Variants in THSD7B observed in about 807,000 individuals in gnomAD.
THSD7B encodes thrombospondin type 1 domain containing 7B.
A neutral mutation model predicts 213.6 loss-of-function variants in THSD7B; 138 were observed. The ratio of observed to expected loss-of-function variants is 0.65; its 90% CI spans 0.56 to 0.74. The LOEUF is 0.74. THSD7B is among the 30% of genes least tolerant of loss of function. The probability of loss-of-function intolerance (pLI) is 0.00; values close to 1 mark genes in which losing one functional copy is unlikely to be tolerated. For missense variants in THSD7B, 1,931 were observed against 1,991.5 expected, an observed-to-expected ratio of 0.97 and a Z score of 0.58; for synonymous variants, 742 against 687.0, an observed-to-expected ratio of 1.08 and a Z score of -1.25.
intron 16 of THSD7B, among the ~76,000 whole-genome samples, chr2:137,568,196 A>C (rs1681280455): frequency 6.6e-6 from 1 of 152,092 alleles, no homozygotes; most frequent in African/African-American, 2.4e-5. Context: ...AAGAGGTAAT[A>C]ATTGGGGAGG....
chr2:137,248,149 A>G (rs894741397), intron 10 of THSD7B, among the ~76,000 whole-genome samples: 1 of 152,160 alleles, frequency 6.6e-6, no homozygotes, highest in Non-Finnish European at 1.5e-5. Flanking sequence ...AGGATGAGAA[A>G]TACTCAGTAC....
At chr2:137,012,312 T>C (rs995412872) in intron 2 of THSD7B, among the ~76,000 whole-genome samples, 2 of 152,096 alleles carry the variant, frequency 1.3e-5, no homozygotes, top group Non-Finnish European at 2.9e-5. Flanking sequence ...AAAAATATGG[T>C]CTTCTATTTC....
At chr2:137,416,777 A>G (rs1686808250) in intron 14 of THSD7B, among the ~76,000 whole-genome samples, 1 of 152,262 alleles carries the variant, frequency 6.6e-6, no homozygotes, top group African/African-American at 2.4e-5. Context: ...TGTGTAACAC[A>G]AAGAGCACAG....
chr2:137,130,015 T>C (rs1688700410), intron 5 of THSD7B, among the ~76,000 whole-genome samples: 1 of 152,180 alleles, frequency 6.6e-6, no homozygotes, highest in Non-Finnish European at 1.5e-5. Flanking sequence ...ACAGTTTTTA[T>C]GTTTTTTCAG....
At chr2:137,427,629 C>T (rs556553987) in intron 14 of THSD7B, among the ~76,000 whole-genome samples, 1 of 151,928 alleles carries the variant, frequency 6.6e-6, no homozygotes, top group African/African-American at 2.4e-5. Context: ...TATGTATAAT[C>T]TAAAAAAGTC....
rs576147964 is a variant in THSD7B at position 137,080,660 on chromosome 2, G to A, written c.951-14213G>A. ...GTCAGTTTTAAATTATTTCCACCTG[G>A]TACCTATAATTTTATTCCACTTTTT... On this transcript the variant is annotated intron_variant, in intron 3 of 27. Coordinates refer to ENST00000409968, the MANE Select transcript of THSD7B (RefSeq NM_001316349.2). Among the ~76,000 whole-genome samples, 4 of 151,752 alleles carry A rather than the reference G, an allele frequency of 2.6e-5. No individual in the cohort carries two copies. The East Asian group carries it at 7.8e-4, about 29-fold the overall frequency.
chr2:137,428,537 C>T (rs1160126047), intron 14 of THSD7B, among the ~76,000 whole-genome samples: 2 of 152,072 alleles, frequency 1.3e-5, no homozygotes, highest in Admixed American at 1.3e-4. Context: ...GAAAACAACC[C>T]AATTTTTTTT....
At chr2:136,910,119 A>G (rs563934968) in intron 2 of THSD7B, among the ~76,000 whole-genome samples, 33 of 152,124 alleles carry the variant, frequency 2.2e-4, no homozygotes, top group Non-Finnish European at 4.4e-4. Flanking sequence ...GAAGAGTCCA[A>G]TAGTGTGTCC....
At chr2:137,579,528 ACG>A (rs1573721476) in intron 17 of THSD7B, among the ~76,000 whole-genome samples, 5 of 151,060 alleles carry the variant, frequency 3.3e-5, no homozygotes, top group East Asian at 3.9e-4. Context: ...GCACACACAC[ACG>A]CGCGTGCGCA....
intron 6 of THSD7B, among the ~76,000 whole-genome samples, chr2:137,161,147 T>C (rs1488127747): frequency 6.6e-6 from 1 of 152,190 alleles, no homozygotes; most frequent in African/African-American, 2.4e-5. Flanking sequence ...TATATTCCTG[T>C]TTATTTTTGT....
chr2:137,214,846 G>A (rs1558961475), intron 7 of THSD7B, among the ~76,000 whole-genome samples: 2 of 152,246 alleles, frequency 1.3e-5, no homozygotes, highest in East Asian at 1.9e-4. Flanking sequence ...ATGGGCATTT[G>A]GGTTGGTTCC....
At chr2:136,998,937 C>CACACACAT (rs1685950402) in intron 2 of THSD7B, among the ~76,000 whole-genome samples, 2 of 151,618 alleles carry the variant, frequency 1.3e-5, no homozygotes, top group Admixed American at 1.3e-4. Context: ...CACACACACA[C>CACACACAT]ACACACACAC....
In THSD7B at chr2:137,656,581, C is replaced by G. The variant is rs148978143; in HGVS notation, c.4106-215C>G. ...CAATTTGAAGCAAAGTAATAACAAT[C>G]TAGTTTTTGGCACTTTCTTGTTAAA... On this transcript the variant is annotated intron_variant, in intron 22 of 27. Transcript: ENST00000409968. 4.4e-3 allele frequency among the ~76,000 whole-genome samples: 665 copies of G among 152,278 alleles called. 2 individuals are homozygous for G. Among genetic ancestry groups the G allele is most frequent in the Middle Eastern group, 0.028 (8 of 288 alleles).
intron 2 of THSD7B, among the ~76,000 whole-genome samples, chr2:137,010,682 A>G (rs1192446895): frequency 1.3e-5 from 2 of 152,190 alleles, no homozygotes; most frequent in African/African-American, 2.4e-5. Flanking sequence ...TGTGATCATC[A>G]TCTATTTGTT....
At chr2:137,166,288 C>T (rs1231489451) in intron 6 of THSD7B, among the ~76,000 whole-genome samples, 1 of 152,052 alleles carries the variant, frequency 6.6e-6, no homozygotes, top group Non-Finnish European at 1.5e-5. Flanking sequence ...TTGATACACT[C>T]CCAGAGTGTT....
rs1679996022 is a variant in THSD7B at position 137,160,380 on chromosome 2, G to A, written c.1525+12G>A. The stretch of plus-strand genomic sequence containing the variant: ...TCAGGGGAAAAAAGGTGAGTGCCTT[G>A]TTTGCATGCGCTTCATTTGCTGTCA... On this transcript the variant is annotated intron_variant, in intron 6 of 27. Coordinates refer to ENST00000409968, the MANE Select transcript of THSD7B (RefSeq NM_001316349.2). 6.2e-7 allele frequency: 1 copy of A among 1,610,412 alleles called. No homozygotes were observed. The highest frequency in any genetic ancestry group is 2.2e-5 in the East Asian group (1 of 44,754).
chr2:137,534,907 A>G (rs965901566), intron 15 of THSD7B, among the ~76,000 whole-genome samples: 2 of 151,810 alleles, frequency 1.3e-5, no homozygotes, highest in African/African-American at 4.8e-5. Context: ...CACAAGAAAA[A>G]TATAGACATA....
chr2:136,948,423 A>AT (rs1684978640), intron 2 of THSD7B, among the ~76,000 whole-genome samples: 1 of 142,810 alleles, frequency 7.0e-6, no homozygotes, highest in Admixed American at 7.1e-5. Context: ...CATCCCCCAT[A>AT]CCTTTCTTTT....
At chr2:136,994,288 C>T (rs755052744) in intron 2 of THSD7B, among the ~76,000 whole-genome samples, 11 of 152,252 alleles carry the variant, frequency 7.2e-5, no homozygotes, top group East Asian at 3.9e-4. Context: ...CCTATAGGGC[C>T]GGGCGCGGTG....
Sources: allele counts gnomAD v4.1 joint callset (sites outside exome capture counted in the v4.1 genomes callset), GRCh38; gene constraint gnomAD v4.1.1; transcripts MANE v1.5; gene names NCBI Gene and HGNC (gene_info 2026-07-23, HGNC 2026-07-21).